KCNH7: variants seen among roughly 807,000 people sequenced by gnomAD.
KCNH7 encodes the protein potassium voltage-gated channel subfamily H member 7.
Under a neutral mutation model 120.8 loss-of-function variants are expected in KCNH7, and 49 were observed. That is an observed-to-expected ratio of 0.41 (90% CI 0.32 to 0.51). KCNH7 has a LOEUF of 0.51. Ranked by LOEUF, KCNH7 falls within the 20% of genes least tolerant of loss-of-function variation. The probability of loss-of-function intolerance (pLI) is 0.38; values close to 1 mark genes in which losing one functional copy is unlikely to be tolerated. For synonymous variants in KCNH7, 547 were observed against 516.1 expected (o/e 1.06, Z -0.81); for missense variants, 1,097 against 1,446.6 (o/e 0.76, Z 3.92).
At chr2:162,443,560 A>T (rs1175946567) in intron 7 of KCNH7, among the ~76,000 whole-genome samples, 1 of 152,186 alleles carries the variant, frequency 6.6e-6, no homozygotes, top group African/African-American at 2.4e-5. Flanking sequence ...TTAATCCATC[A>T]ACAAGCCTTG....
chr2:162,689,119 T>C (rs1426382456), intron 2 of KCNH7, among the ~76,000 whole-genome samples: 1 of 151,426 alleles, frequency 6.6e-6, no homozygotes, highest in Non-Finnish European at 1.5e-5. Flanking sequence ...AGACAGTATT[T>C]CATTATTGTA....
At chr2:162,444,196 C>T (rs1246902590) in intron 7 of KCNH7, among the ~76,000 whole-genome samples, 1 of 152,084 alleles carries the variant, frequency 6.6e-6, no homozygotes, top group Non-Finnish European at 1.5e-5. Context: ...CTCTGCCATC[C>T]CCTACCCCTC....
chr2:162,448,600 C>T (rs1055721959), intron 6 of KCNH7, among the ~76,000 whole-genome samples: 2 of 152,100 alleles, frequency 1.3e-5, no homozygotes, highest in African/African-American at 4.8e-5. Context: ...AGTTTGCTCA[C>T]TGCTTAGGTG....
intron 6 of KCNH7, among the ~76,000 whole-genome samples, chr2:162,454,354 C>T (rs1688885816): frequency 6.6e-6 from 1 of 152,096 alleles, no homozygotes; most frequent in African/African-American, 2.4e-5. Context: ...GTTACTGTAG[C>T]CATGTAGCAT....
At position 162,480,122 on chromosome 2, in the gene KCNH7, GTTAC is replaced by G. The variant is rs1403013946; in HGVS notation, c.1128+24317_1128+24320del. On this transcript the variant is annotated intron_variant, in intron 6 of 15. Transcript: ENST00000332142. ...TTATGCTATAAAAAATGGAGTTCAGGTTACTTACTTTAAGAATTCTGTTTTTTTT... is the reference window on the plus strand; with the variant it reads ...TTATGCTATAAAAAATGGAGTTCAGGTTACTTTAAGAATTCTGTTTTTTTT... 3.3e-5 allele frequency among the ~76,000 whole-genome samples: 5 copies of G among 152,074 alleles called. No homozygotes were observed. In the South Asian group the frequency reaches 8.3e-4, roughly 25 times the overall value.
intron 2 of KCNH7, among the ~76,000 whole-genome samples, chr2:162,749,547 A>G (rs539713136): frequency 6.6e-6 from 1 of 152,322 alleles, no homozygotes; most frequent in Non-Finnish European, 1.5e-5. Flanking sequence ...CATTCAGCAG[A>G]CTAAGGGGTT....
At chr2:162,381,837 T>G (rs934482696) in intron 13 of KCNH7, among the ~76,000 whole-genome samples, 9 of 152,134 alleles carry the variant, frequency 5.9e-5, no homozygotes, top group Non-Finnish European at 1.5e-5. Flanking sequence ...GAAGTATGAT[T>G]TGTTATTCAC....
chr2:162,598,448 T>C (rs1694448710), intron 2 of KCNH7, among the ~76,000 whole-genome samples: 1 of 152,106 alleles, frequency 6.6e-6, no homozygotes, highest in Non-Finnish European at 1.5e-5. Flanking sequence ...ATTTTAGTGT[T>C]ATATGTGGCC....
intron 2 of KCNH7, among the ~76,000 whole-genome samples, chr2:162,802,370 A>C (rs550401654): frequency 1.4e-4 from 21 of 151,892 alleles, no homozygotes; most frequent in African/African-American, 5.1e-4. Context: ...ACTCCACATT[A>C]GCTTCTGAAT....
intron 3 of KCNH7, among the ~76,000 whole-genome samples, chr2:162,524,363 T>C (rs1020967108): frequency 1.1e-4 from 16 of 152,014 alleles, no homozygotes; most frequent in South Asian, 2.1e-4. Flanking sequence ...GGTAGTTTCC[T>C]GCCTTAAACT....
intron 2 of KCNH7, among the ~76,000 whole-genome samples, chr2:162,604,981 A>G (rs1042769964): frequency 3.3e-5 from 5 of 152,158 alleles, no homozygotes; most frequent in Non-Finnish European, 7.4e-5. Context: ...TTCAACATTA[A>G]TAGTACATTA....
rs193014709 is a variant in KCNH7, at chr2:162,659,622, C to T, written c.308-122542G>A. Among the ~76,000 whole-genome samples, 742 of 152,282 alleles carry T rather than the reference C, an allele frequency of 4.9e-3. 9 individuals carry two copies. Among genetic ancestry groups the T allele is most frequent in the African/African-American group, 0.017 (717 of 41,560 alleles). On this transcript the variant is annotated intron_variant, in intron 2 of 15. Coordinates refer to ENST00000332142, the MANE Select transcript of KCNH7 (RefSeq NM_033272.4). ...CCTCCCAAAGTGCTGGGATTACAGG[C>T]ATGAGCCACTGCGCCTGGCCAATAG...
chr2:162,740,644 G>A (rs948559333), intron 2 of KCNH7, among the ~76,000 whole-genome samples: 2 of 152,190 alleles, frequency 1.3e-5, no homozygotes, highest in Non-Finnish European at 2.9e-5. Context: ...CCTGAGACTG[G>A]TGTACTCAGC....
intron 2 of KCNH7, among the ~76,000 whole-genome samples, chr2:162,620,768 C>A (rs537979443): frequency 6.6e-6 from 1 of 152,094 alleles, no homozygotes; most frequent in Non-Finnish European, 1.5e-5. Context: ...TACAATTTTT[C>A]TTGCATCTTT....
At chr2:162,402,250 A>G (rs1451721399) in intron 9 of KCNH7, among the ~76,000 whole-genome samples, 1 of 150,824 alleles carries the variant, frequency 6.6e-6, no homozygotes, top group East Asian at 2.0e-4. Flanking sequence ...ATATCAACTC[A>G]GCTTTTCACA....
intron 2 of KCNH7, among the ~76,000 whole-genome samples, chr2:162,634,987 C>T (rs1683906016): frequency 6.6e-6 from 1 of 152,030 alleles, no homozygotes; most frequent in Admixed American, 6.6e-5. Flanking sequence ...CTTAATTTTA[C>T]ATTTTACTTA....
At chr2:162,373,737 G>T (rs1412653390) in intron 14 of KCNH7, 75 bp from the exon 15 acceptor site, 4 of 1,011,098 alleles carry the variant, frequency 4.0e-6, no homozygotes, top group Admixed American at 7.7e-5. Context: ...AAAAATTTCA[G>T]CACTACCAAG....
chr2:162,802,808 T>G (rs1209425280), intron 2 of KCNH7, among the ~76,000 whole-genome samples: 1 of 151,810 alleles, frequency 6.6e-6, no homozygotes, highest in Admixed American at 6.6e-5. Flanking sequence ...GCCAAATTTT[T>G]AGTGGTTCAA....
intron 2 of KCNH7, among the ~76,000 whole-genome samples, chr2:162,681,985 GT>G (rs1183303623): frequency 1.2e-4 from 18 of 150,756 alleles, no homozygotes; most frequent in Non-Finnish European, 1.9e-4. Flanking sequence ...TTTTTTCTGT[GT>G]TTTTTTTCAA....
Sources: gnomAD v4.1 joint callset for allele counts (sites outside exome capture counted in the v4.1 genomes callset) on GRCh38, gnomAD v4.1.1 for gene constraint, MANE v1.5 for transcripts, NCBI Gene and HGNC (gene_info 2026-07-23, HGNC 2026-07-21) for gene names.